DPM1: variants seen among roughly 807,000 people sequenced by gnomAD.
DPM1 encodes the protein dolichyl-phosphate mannosyltransferase subunit 1, catalytic.
A neutral mutation model predicts 39.0 loss-of-function variants in DPM1; 27 were observed. That is an observed-to-expected ratio of 0.69 (90% CI 0.51 to 0.95). The LOEUF is 0.95. Ranked by LOEUF, DPM1 falls within the 40% of genes least tolerant of loss-of-function variation. The pLI, the probability that DPM1 is intolerant of heterozygous loss-of-function variation, is 0.00. For synonymous variants in DPM1, 124 were observed against 109.0 expected, an observed-to-expected ratio of 1.14 and a Z score of -0.86; for missense variants, 307 against 315.6, an observed-to-expected ratio of 0.97 and a Z score of 0.21.
chr20:50,941,263 T>TATATATATATATATATATAA (rs1491148504), intron 6 of DPM1: 1 of 156,022 alleles, frequency 6.4e-6, no homozygotes, highest in Non-Finnish European at 1.2e-5. Context: ...TATATATATA[T>TATATATATATATATATATAA]AAATAAAATA....
intron 3 of DPM1, among the ~76,000 whole-genome samples, chr20:50,948,188 T>C (rs6512687): frequency 0.14 from 20,878 of 152,124 alleles, 3,538 homozygotes; most frequent in African/African-American, 0.4. Flanking sequence ...TACCTCTGAC[T>C]GGGAATTTCC....
chr20:50,949,988 T>C (rs1986494220), intron 2 of DPM1, among the ~76,000 whole-genome samples: 1 of 152,220 alleles, frequency 6.6e-6, no homozygotes, highest in Non-Finnish European at 1.5e-5. Flanking sequence ...ATGTAAGAAC[T>C]TCCTACTGCC....
At chr20:50,945,300 G>GTGTA (rs1448439219) in intron 5 of DPM1, among the ~76,000 whole-genome samples, 3 of 91,020 alleles carry the variant, frequency 3.3e-5, no homozygotes, top group Non-Finnish European at 8.2e-5. Flanking sequence ...GTGTGTGTGT[G>GTGTA]TGTGTGTGTG....
rs1985887295 is a variant in DPM1 at position 50,942,079 on chromosome 20, T to C, written c.446A>G (p.Lys149Arg). 3 of 1,614,202 alleles carry C rather than the reference T, an allele frequency of 1.9e-6. No individual in the cohort carries two copies. Among genetic ancestry groups the C allele is most frequent in the Non-Finnish European group, 2.5e-6 (3 of 1,180,034 alleles). ...CCAGCCATATACACCTCCATTTCCT[T>C]TGTAGCGAGTTCCAGAGACAATATC... Reference protein sequence around the residue: ...NFDIVSGTRYKGNGGVYGWDL... With the variant: ...NFDIVSGTRYRGNGGVYGWDL... The change falls in exon 6 of 9, where the codon AAA becomes AGA. Residue 149 changes from lysine (K) to arginine (R), a missense_variant. Physicochemically the swap from Lys to Arg is conservative, Grantham distance 26. Coordinates refer to ENST00000371588, the MANE Select transcript of DPM1 (RefSeq NM_003859.3).
intron 7 of DPM1, among the ~76,000 whole-genome samples, chr20:50,939,682 C>G (rs572817836): frequency 6.6e-6 from 1 of 151,952 alleles, no homozygotes; most frequent in African/African-American, 2.4e-5. Context: ...GGCGCAATCT[C>G]GGCTCACTGC....
At chr20:50,953,933 C>A (rs932835327) in intron 2 of DPM1, among the ~76,000 whole-genome samples, 4 of 152,166 alleles carry the variant, frequency 2.6e-5, no homozygotes, top group Non-Finnish European at 5.9e-5. Context: ...AATTTGTCAA[C>A]TTTTTACCTC....
intron 2 of DPM1, among the ~76,000 whole-genome samples, chr20:50,951,267 T>TA (rs1337663713): frequency 2.0e-5 from 3 of 152,192 alleles, no homozygotes; most frequent in Admixed American, 2.0e-4. Context: ...TATAAAATAT[T>TA]AGAGTATTAT....
At chr20:50,947,122 C>T (rs1445737843) in intron 3 of DPM1, among the ~76,000 whole-genome samples, 2 of 152,002 alleles carry the variant, frequency 1.3e-5, no homozygotes, top group Admixed American at 1.3e-4. Context: ...GCAGGAGAAT[C>T]GCTTGAACCC....
intron 7 of DPM1, among the ~76,000 whole-genome samples, chr20:50,938,507 C>T (rs1236062597): frequency 1.3e-5 from 2 of 151,358 alleles, no homozygotes; most frequent in African/African-American, 4.9e-5. Flanking sequence ...CTCACCCTCC[C>T]GAGTAGCTGG....
intron 8 of DPM1, 81 bp downstream of exon 8, chr20:50,936,067 T>TA: frequency 9.7e-7 from 1 of 1,029,328 alleles, no homozygotes; most frequent in East Asian, 2.5e-5. Context: ...TTATGAAAGT[T>TA]AAACTTTTTA....
intron 2 of DPM1, among the ~76,000 whole-genome samples, chr20:50,953,877 A>G (rs1986703415): frequency 6.6e-6 from 1 of 152,258 alleles, no homozygotes. Flanking sequence ...CTACTGGCCA[A>G]AAATTCAAAC....
rs182340122 is a variant in DPM1, at chr20:50,939,915, G to A, written c.563+950C>T. 2.1e-3 allele frequency among the ~76,000 whole-genome samples: 323 copies of A among 152,242 alleles called. 2 individuals are homozygous for A. The highest frequency in any genetic ancestry group is 7.7e-3 in the African/African-American group (320 of 41,564). On this transcript the variant is annotated intron_variant, in intron 7 of 8. Transcript: ENST00000371588. ...GGCGCAAGCCACTGCCCATCCACCA[G>A]CCAACGCCCATCCGCAATCAGAGAT...
intron 5 of DPM1, among the ~76,000 whole-genome samples, chr20:50,943,099 C>A (rs1468929080): frequency 6.6e-6 from 1 of 151,952 alleles, no homozygotes; most frequent in Non-Finnish European, 1.5e-5. Context: ...CTGCTTGAAC[C>A]CGGGACGTGG....
intron 1 of DPM1, among the ~76,000 whole-genome samples, chr20:50,958,121 A>G (rs965369030): frequency 6.6e-6 from 1 of 152,224 alleles, no homozygotes; most frequent in Non-Finnish European, 1.5e-5. Flanking sequence ...GGACGGGAGT[A>G]CTACATAATA....
At chr20:50,939,182 CCTG>C (rs937739260) in intron 7 of DPM1, among the ~76,000 whole-genome samples, 5 of 152,104 alleles carry the variant, frequency 3.3e-5, no homozygotes, top group Non-Finnish European at 5.9e-5. Context: ...CATTCCTCTC[CCTG>C]CTGTGTTTTT....
rs1205339617 is a variant in DPM1, at chr20:50,935,161, C to T, written c.754G>A (p.Gly252Arg). Reference protein sequence around the residue: ...GGNEIVSFLKGLLTLFATT With the variant: ...GGNEIVSFLKRLLTLFATT ...GTAGTAGCAAAAAGAGTCAATAATC[C>T]TTTCAAGAAAGATACTATTTCATTT... The change falls in exon 9 of 9, where the codon GGA (glycine) becomes AGA (arginine). Residue 252 changes from glycine (G) to arginine (R), a missense_variant. Physicochemically the swap from Gly to Arg is moderately radical, Grantham distance 125. This residue lies in a region of DPM1 where 70 missense variants were observed against 69.4 expected (regional missense o/e 1.01). Transcript: ENST00000371588. 2.7e-5 allele frequency: 44 copies of T among 1,602,864 alleles called. No homozygotes were observed. The highest frequency in any genetic ancestry group is 3.7e-5 in the Non-Finnish European group (43 of 1,171,000).
At chr20:50,940,843 G>C in intron 7 of DPM1, 22 bp downstream of exon 7, 1 of 1,561,000 alleles carries the variant, frequency 6.4e-7, no homozygotes, top group Non-Finnish European at 8.8e-7. Context: ...TTATATAAAA[G>C]TAGTGGAAAT....
At chr20:50,936,094 C>G (rs1342576823) in intron 8 of DPM1, 54 bp downstream of exon 8, 9 of 1,312,926 alleles carry the variant, frequency 6.9e-6, no homozygotes, top group Non-Finnish European at 8.8e-6. Flanking sequence ...AAATTCTAAA[C>G]CTTACTGCTC....
chr20:50,950,030 A>C (rs1268793945), intron 2 of DPM1, among the ~76,000 whole-genome samples: 1 of 152,064 alleles, frequency 6.6e-6, no homozygotes, highest in Non-Finnish European at 1.5e-5. Flanking sequence ...TGTTTTGTAG[A>C]TCTTTTGCTT....
Sources: allele counts gnomAD v4.1 joint callset (sites outside exome capture counted in the v4.1 genomes callset), GRCh38; gene constraint gnomAD v4.1.1; regional missense constraint gnomAD v4.1.1; transcripts MANE v1.5; gene names NCBI Gene and HGNC (gene_info 2026-07-23, HGNC 2026-07-21).